Variants in TENM3 observed in about 807,000 individuals in gnomAD.
The protein encoded by TENM3 is teneurin transmembrane protein 3.
In TENM3, 63 loss-of-function variants were observed where a neutral mutation model predicts 255.1. The observed-to-expected ratio is 0.25, with a 90% CI of 0.20 to 0.30. The LOEUF (loss-of-function observed/expected upper bound fraction) is 0.30, where lower values mean the gene tolerates loss of function less well. Ranked by LOEUF, TENM3 falls within the 10% of genes least tolerant of loss-of-function variation. The pLI is 1.00. For missense variants in TENM3, 2,929 were observed against 3,461.1 expected (o/e 0.85, Z 3.86); for synonymous variants, 1,306 against 1,322.3 (o/e 0.99, Z 0.27).
intron 3 of TENM3, among the ~76,000 whole-genome samples, chr4:182,573,767 C>T (rs79126757): frequency 0.54 from 81,187 of 151,552 alleles, 23,386 homozygotes; most frequent in Non-Finnish European, 0.64. Context: ...GAAAGGAGAA[C>T]TATAGTTCTC....
At chr4:182,650,444 G>A (rs1753152005) in intron 5 of TENM3, among the ~76,000 whole-genome samples, 2 of 150,326 alleles carry the variant, frequency 1.3e-5, no homozygotes, top group Admixed American at 1.3e-4. Context: ...TTGAAGAACT[G>A]GACTTACCCT....
intron 3 of TENM3, among the ~76,000 whole-genome samples, chr4:182,586,129 T>C (rs1745999628): frequency 6.6e-6 from 1 of 152,112 alleles, no homozygotes; most frequent in South Asian, 2.1e-4. Flanking sequence ...TGGTGCTGCA[T>C]GCCTGTAGTA....
chr4:181,819,450 C>G, the TENM3 span, among the ~76,000 whole-genome samples: 2 of 152,142 alleles, frequency 1.3e-5, no homozygotes, highest in African/African-American at 4.8e-5. Flanking sequence ...CTAATGTATT[C>G]CCACAACCAT....
chr4:181,874,194 C>T, the TENM3 span, among the ~76,000 whole-genome samples: 2 of 152,216 alleles, frequency 1.3e-5, no homozygotes, highest in Admixed American at 1.3e-4. Context: ...GCTGAGATTA[C>T]AGGCGTGAGC....
intron 3 of TENM3, among the ~76,000 whole-genome samples, chr4:182,516,877 C>T (rs1490494893): frequency 7.2e-6 from 1 of 139,736 alleles, no homozygotes; most frequent in Non-Finnish European, 1.5e-5. Context: ...GGCAACAGAG[C>T]AAGACCCAGT....
At chr4:182,612,734 A>G (rs1432103252) in intron 4 of TENM3, among the ~76,000 whole-genome samples, 1 of 118,378 alleles carries the variant, frequency 8.4e-6, no homozygotes, top group East Asian at 2.4e-4. Context: ...AGCAGATTTT[A>G]TAATACACAC....
At chr4:182,706,120 A>C (rs1221224177) in intron 12 of TENM3, among the ~76,000 whole-genome samples, 2 of 152,166 alleles carry the variant, frequency 1.3e-5, no homozygotes, top group Non-Finnish European at 2.9e-5. Flanking sequence ...GAAATCTATA[A>C]ACAGATGATG....
intron 4 of TENM3, among the ~76,000 whole-genome samples, chr4:182,616,378 G>C (rs959339928): frequency 1.3e-5 from 2 of 148,536 alleles, no homozygotes; most frequent in African/African-American, 4.9e-5. Flanking sequence ...GTGGTGGGGT[G>C]GGGGGAGTGG....
chr4:182,691,972 G>A (rs935683235), intron 12 of TENM3, among the ~76,000 whole-genome samples: 3 of 149,722 alleles, frequency 2.0e-5, no homozygotes, highest in Non-Finnish European at 4.5e-5. Flanking sequence ...TTATACTCAT[G>A]TGCTGCCACT....
the TENM3 span, among the ~76,000 whole-genome samples, chr4:181,613,073 G>C: frequency 3.3e-5 from 5 of 152,068 alleles, no homozygotes; most frequent in Admixed American, 1.3e-4. Flanking sequence ...CATGCCGTTT[G>C]GTATGTTGAA....
chr4:181,721,204 G>A, the TENM3 span, among the ~76,000 whole-genome samples: 1 of 151,992 alleles, frequency 6.6e-6, no homozygotes, highest in Non-Finnish European at 1.5e-5. Context: ...AGGCTGGAGA[G>A]TAAGATTGGC....
chr4:182,378,285 A>G (rs917135314), intron 3 of TENM3, among the ~76,000 whole-genome samples: 3 of 152,242 alleles, frequency 2.0e-5, no homozygotes, highest in Non-Finnish European at 4.4e-5. Flanking sequence ...TATGGTGATG[A>G]ACCAAACAGA....
intron 24 of TENM3, among the ~76,000 whole-genome samples, chr4:182,784,384 A>C: frequency 6.6e-6 from 1 of 151,752 alleles, no homozygotes; most frequent in Admixed American, 6.6e-5. Flanking sequence ...GGGGTCAGGG[A>C]CCCACTTGAG....
At chr4:181,539,331 T>A in the TENM3 span, among the ~76,000 whole-genome samples, 313 of 152,348 alleles carry the variant, frequency 2.1e-3, 2 homozygotes, top group Admixed American at 5.1e-3. Flanking sequence ...TAAATTTACT[T>A]GATATGGTTA....
At chr4:182,000,106 A>C in the TENM3 span, among the ~76,000 whole-genome samples, 7,906 of 152,190 alleles carry the variant, frequency 0.052, 294 homozygotes, top group Middle Eastern at 0.078. Context: ...CGTCATATCA[A>C]CTGGTTTTAT....
chr4:182,503,327 T>TCCA (rs1736502017), intron 3 of TENM3, among the ~76,000 whole-genome samples: 2 of 152,194 alleles, frequency 1.3e-5, no homozygotes, highest in Admixed American at 6.5e-5. Context: ...CTTTAGCGTC[T>TCCA]CCAGGGACTC....
At chr4:181,900,339 A>G in the TENM3 span, among the ~76,000 whole-genome samples, 3 of 152,216 alleles carry the variant, frequency 2.0e-5, no homozygotes, top group Non-Finnish European at 4.4e-5. Flanking sequence ...ATCATCATTC[A>G]AAAGTTCACA....
At chr4:182,655,825 A>G (rs1387315847) in intron 6 of TENM3, among the ~76,000 whole-genome samples, 1 of 152,238 alleles carries the variant, frequency 6.6e-6, no homozygotes, top group Non-Finnish European at 1.5e-5. Context: ...CAAAGCCAAC[A>G]TATACACACA....
chr4:182,663,800 A>G (rs1368185806), intron 6 of TENM3, among the ~76,000 whole-genome samples: 1 of 141,676 alleles, frequency 7.1e-6, no homozygotes. Context: ...ATAAGCTGCC[A>G]GTTCTATCAC....
Sources: allele counts gnomAD v4.1 joint callset (sites outside exome capture counted in the v4.1 genomes callset), GRCh38; gene constraint gnomAD v4.1.1; transcripts MANE v1.5; gene names NCBI Gene and HGNC (gene_info 2026-07-23, HGNC 2026-07-21).